The following SPSB1 variants were observed in gnomAD, a reference collection of about 807,000 sequenced individuals.
SPSB1 encodes SPRY domain-containing SOCS box protein 1.
A neutral mutation model predicts 21.2 loss-of-function variants in SPSB1; 8 were observed. The observed-to-expected ratio is 0.38, with a 90% CI of 0.22 to 0.68. The LOEUF is 0.68. Among genes scored for constraint, SPSB1 ranks in the 30% least tolerant of loss-of-function variants. The pLI is 0.53. For synonymous variants in SPSB1, 169 were observed against 161.7 expected (o/e 1.05, Z -0.34); for missense variants, 242 against 377.8 (o/e 0.64, Z 2.98).
intron 1 of SPSB1, among the ~76,000 whole-genome samples, chr1:9,320,090 G>T (rs1040580607): frequency 3.3e-5 from 5 of 152,262 alleles, no homozygotes; most frequent in African/African-American, 9.6e-5. Context: ...AGGGCAGGCC[G>T]CCAGGGACCC....
chr1:9,364,257 GC>G (rs1640520630), intron 2 of SPSB1, among the ~76,000 whole-genome samples: 2 of 152,208 alleles, frequency 1.3e-5, no homozygotes, highest in South Asian at 4.1e-4. Flanking sequence ...ATGCAGGCGC[GC>G]TCCCAAGCAG....
Position 9,356,822 on chromosome 1 carries a change from G to T in SPSB1, c.694+237G>T, listed in dbSNP as rs1640371918. Among the ~76,000 whole-genome samples the T allele has an allele frequency of 6.6e-6, 1 of 152,150 alleles. No homozygotes were observed. Reference sequence around the variant, plus strand: ...ATGGACAGATGGATGGATGATGGATGATGAATGAATAGATGGATGAATGAT... The same window carrying T: ...ATGGACAGATGGATGGATGATGGATTATGAATGAATAGATGGATGAATGAT... On this transcript the variant is annotated intron_variant, in intron 2 of 2. Transcript: ENST00000328089. This position sits in a 1 kb window ranked among gnomAD's most constrained non-coding sequence, Gnocchi z 7.4.
intron 1 of SPSB1, among the ~76,000 whole-genome samples, chr1:9,312,683 G>T (rs532101556): frequency 6.6e-6 from 1 of 152,120 alleles, no homozygotes; most frequent in Non-Finnish European, 1.5e-5. Flanking sequence ...GCAATGATTG[G>T]ATGATTGTGC....
chr1:9,298,442 G>A (rs56177980), intron 1 of SPSB1, among the ~76,000 whole-genome samples: 2 of 84,164 alleles, frequency 2.4e-5, no homozygotes, highest in African/African-American at 6.2e-5. Flanking sequence ...GAATGAATAA[G>A]TGAATGAATA....
chr1:9,349,681 G>A lies in SPSB1; in HGVS notation c.-149-6062G>A, dbSNP rs187460610. ...AATCCGCCACCAGCATCGACTCTTC[G>A]ATCCAGATGAGATGCAGCTGTCTTC... On this transcript the variant is annotated intron_variant, in intron 1 of 2. Transcript: ENST00000328089. 1.8e-4 allele frequency among the ~76,000 whole-genome samples: 28 copies of A among 152,356 alleles called. No homozygotes were observed. In the East Asian group the frequency reaches 4.8e-3, roughly 26 times the overall value.
Position 9,348,937 on chromosome 1 carries a change from ATGTGTG to A in SPSB1, c.-149-6784_-149-6779del, listed in dbSNP as rs76253052. On this transcript the variant is annotated intron_variant, in intron 1 of 2. Coordinates refer to ENST00000328089, the MANE Select transcript of SPSB1 (RefSeq NM_025106.4). This position sits in a 1 kb window ranked among gnomAD's most constrained non-coding sequence, Gnocchi z 4.8. ...GACATCCCCTTTCACTCGTGCAAGA[ATGTGTG>A]TGTGTGTGTGTGTGTGTGTGTATAT... 0.55 allele frequency among the ~76,000 whole-genome samples: 83,491 copies of A among 150,656 alleles called. 23,802 individuals are homozygous for A. Among genetic ancestry groups the A allele is most frequent in the African/African-American group, 0.68 (27,822 of 41,062 alleles).
intron 1 of SPSB1, among the ~76,000 whole-genome samples, chr1:9,332,591 C>G (rs960419732): frequency 1.3e-5 from 2 of 152,084 alleles, no homozygotes; most frequent in African/African-American, 4.8e-5. Flanking sequence ...AAGGATCCCA[C>G]GGAGGGAGGT....
rs1027936895 is a variant in SPSB1, at chr1:9,355,882, A to C, written c.-10A>C. 1 of 1,539,920 alleles carries C rather than the reference A, an allele frequency of 6.5e-7. No homozygotes were observed. The highest frequency in any genetic ancestry group is 1.8e-4 in the Middle Eastern group (1 of 5,710). Reference sequence around the variant, plus strand: ...TGGGAGTCGGTAAGAAGGTGAAGCCAGGGGCGAACATGGGTCAGAAGGTCA... The same window carrying C: ...TGGGAGTCGGTAAGAAGGTGAAGCCCGGGGCGAACATGGGTCAGAAGGTCA... On this transcript the variant is annotated 5_prime_UTR_variant, in exon 2 of 3. Transcript: ENST00000328089.
intron 1 of SPSB1, among the ~76,000 whole-genome samples, chr1:9,326,113 A>C (rs2100487944): frequency 6.6e-6 from 1 of 151,566 alleles, no homozygotes; most frequent in South Asian, 2.1e-4. Flanking sequence ...GGCTGCCGAC[A>C]CGTGGGGAGG....
chr1:9,310,324 G>T (rs1294054), intron 1 of SPSB1, among the ~76,000 whole-genome samples: 9,825 of 152,262 alleles, frequency 0.065, 493 homozygotes, highest in African/African-American at 0.14. Context: ...ATTTCTGTGA[G>T]GGGAAAGGCA....
chr1:9,359,847 C>CAGGGG, intron 2 of SPSB1, among the ~76,000 whole-genome samples: 1 of 105,784 alleles, frequency 9.5e-6, no homozygotes. Flanking sequence ...GGATGGAAGC[C>CAGGGG]GGGGGGGTGG....
At chr1:9,296,272 TG>T (rs1639224064) in intron 1 of SPSB1, among the ~76,000 whole-genome samples, 1 of 152,294 alleles carries the variant, frequency 6.6e-6, no homozygotes, top group African/African-American at 2.4e-5. Context: ...TTTGCCTCCA[TG>T]TCCATTCTGC....
At chr1:9,326,358 G>A (rs1270740382) in intron 1 of SPSB1, among the ~76,000 whole-genome samples, 7 of 152,218 alleles carry the variant, frequency 4.6e-5, no homozygotes, top group African/African-American at 1.4e-4. Flanking sequence ...ACTGGGCCCC[G>A]TGGAAGCTCT....
chr1:9,353,344 G>C (rs916682476), intron 1 of SPSB1, among the ~76,000 whole-genome samples: 1 of 152,164 alleles, frequency 6.6e-6, no homozygotes. Flanking sequence ...CGCAGCTTGA[G>C]GCGCAGGCCC....
intron 1 of SPSB1, among the ~76,000 whole-genome samples, chr1:9,341,091 T>C (rs1160276678): frequency 1.3e-5 from 2 of 152,230 alleles, no homozygotes; most frequent in African/African-American, 2.4e-5. Context: ...TTCCCTTTTT[T>C]CCACTTCCCC....
intron 1 of SPSB1, among the ~76,000 whole-genome samples, chr1:9,303,956 G>A (rs1448102920): frequency 6.6e-6 from 1 of 152,256 alleles, no homozygotes; most frequent in Non-Finnish European, 1.5e-5. Flanking sequence ...TGGCATTTGT[G>A]TAGAATGATT....
chr1:9,326,949 T>G (rs1026694505), intron 1 of SPSB1, among the ~76,000 whole-genome samples: 4 of 152,232 alleles, frequency 2.6e-5, no homozygotes, highest in Non-Finnish European at 5.9e-5. Context: ...TCCTGCTTGC[T>G]GCCCTTTTCC....
At chr1:9,331,875 TC>T (rs1018495777) in intron 1 of SPSB1, among the ~76,000 whole-genome samples, 1 of 152,240 alleles carries the variant, frequency 6.6e-6, no homozygotes, top group Non-Finnish European at 1.5e-5. Flanking sequence ...GAGCTTCTTT[TC>T]CTACAAGTTT....
intron 1 of SPSB1, among the ~76,000 whole-genome samples, chr1:9,326,482 G>T (rs1411030024): frequency 6.6e-6 from 1 of 152,226 alleles, no homozygotes; most frequent in African/African-American, 2.4e-5. Flanking sequence ...GAGGCAGGAG[G>T]TTCACCTCGA....
Sources: gnomAD v4.1 joint callset for allele counts (sites outside exome capture counted in the v4.1 genomes callset) on GRCh38, gnomAD v4.1.1 for gene constraint, Gnocchi (gnomAD v3.1) non-coding constraint, MANE v1.5 for transcripts, NCBI Gene and HGNC (gene_info 2026-07-23, HGNC 2026-07-21) for gene names.